RAPGEF4: variants seen among roughly 807,000 people sequenced by gnomAD.
RAPGEF4 encodes the protein RAP guanine-nucleotide-exchange factor (GEF) 4.
In RAPGEF4, 66 loss-of-function variants were observed where a neutral mutation model predicts 147.9. The ratio of observed to expected loss-of-function variants is 0.45; its 90% CI spans 0.37 to 0.55. The LOEUF is 0.55. Among genes scored for constraint, RAPGEF4 ranks in the 20% least tolerant of loss-of-function variants. The probability of loss-of-function intolerance (pLI) is 0.00; values close to 1 mark genes in which losing one functional copy is unlikely to be tolerated. For synonymous variants in RAPGEF4, 419 were observed against 442.7 expected, an observed-to-expected ratio of 0.95 and a Z score of 0.67; for missense variants, 1,071 against 1,257.3, an observed-to-expected ratio of 0.85 and a Z score of 2.24.
At chr2:172,960,700 T>C (rs532040535) in intron 6 of RAPGEF4, 60 bp from the exon 7 acceptor site, 8 of 1,267,058 alleles carry the variant, frequency 6.3e-6, no homozygotes, top group East Asian at 2.4e-5. Flanking sequence ...CCCCAACCCA[T>C]AATTTTCTTC....
chr2:172,989,406 T>G (rs1333338217), intron 14 of RAPGEF4, among the ~76,000 whole-genome samples: 1 of 152,056 alleles, frequency 6.6e-6, no homozygotes, highest in African/African-American at 2.4e-5. Context: ...TTATCTCAAA[T>G]TGTTACAAAC....
intron 4 of RAPGEF4, among the ~76,000 whole-genome samples, chr2:172,817,203 A>T (rs1688596032): frequency 6.6e-6 from 1 of 152,242 alleles, no homozygotes; most frequent in Non-Finnish European, 1.5e-5. Flanking sequence ...ACAAATATAT[A>T]TGCTTCTGCT....
chr2:172,787,762 G>A (rs1328043035), intron 1 of RAPGEF4, among the ~76,000 whole-genome samples: 1 of 152,012 alleles, frequency 6.6e-6, no homozygotes, highest in East Asian at 1.9e-4. Context: ...TGAGAACACA[G>A]GCATGCACCA....
chr2:172,893,410 G>A (rs1161467052), intron 4 of RAPGEF4, among the ~76,000 whole-genome samples: 1 of 152,196 alleles, frequency 6.6e-6, no homozygotes, highest in East Asian at 1.9e-4. Flanking sequence ...GAGACAAGGA[G>A]CATTGCTGAA....
chr2:172,798,224 T>C (rs1686586259), intron 3 of RAPGEF4, among the ~76,000 whole-genome samples: 1 of 152,118 alleles, frequency 6.6e-6, no homozygotes, highest in African/African-American at 2.4e-5. Flanking sequence ...AACTCATTCT[T>C]TTTCTGTTCA....
intron 3 of RAPGEF4, among the ~76,000 whole-genome samples, chr2:172,809,529 G>T (rs1354060289): frequency 2.0e-5 from 3 of 152,142 alleles, no homozygotes; most frequent in Middle Eastern, 3.4e-3. Context: ...CAGAAATGCC[G>T]ATTTTATTTT....
intron 6 of RAPGEF4, among the ~76,000 whole-genome samples, chr2:172,955,489 C>T (rs1348518438): frequency 2.6e-5 from 4 of 152,200 alleles, no homozygotes; most frequent in African/African-American, 9.6e-5. Context: ...CTGAATGCCT[C>T]TGCCTTTATC....
chr2:172,936,926 G>A (rs1029341897), intron 6 of RAPGEF4, among the ~76,000 whole-genome samples: 8 of 148,100 alleles, frequency 5.4e-5, no homozygotes, highest in African/African-American at 1.7e-4. Flanking sequence ...AAGGCTGGAT[G>A]TGGTAGCTCA....
chr2:172,910,199 G>T (rs930798931), intron 4 of RAPGEF4, among the ~76,000 whole-genome samples: 1 of 152,210 alleles, frequency 6.6e-6, no homozygotes, highest in African/African-American at 2.4e-5. Context: ...TAGACATGGT[G>T]CCATCTGGTT....
At chr2:173,003,179 C>T (rs1694108446) in intron 17 of RAPGEF4, among the ~76,000 whole-genome samples, 2 of 152,046 alleles carry the variant, frequency 1.3e-5, no homozygotes, top group African/African-American at 4.8e-5. Context: ...GCTTGTTCCC[C>T]TTCAAGGGTT....
intron 1 of RAPGEF4, among the ~76,000 whole-genome samples, chr2:172,762,867 C>G (rs1253657238): frequency 6.6e-6 from 1 of 152,148 alleles, no homozygotes; most frequent in Non-Finnish European, 1.5e-5. Context: ...TGTGGACTTG[C>G]AAGGCCTCTG....
intron 8 of RAPGEF4, chr2:172,965,001 T>C (rs1689679951): frequency 6.5e-6 from 1 of 153,396 alleles, no homozygotes; most frequent in Admixed American, 6.4e-5. Context: ...ACAGAACTTT[T>C]TCAAAGAGAT....
chr2:172,851,198 T>G (rs1008335176), intron 4 of RAPGEF4, among the ~76,000 whole-genome samples: 20 of 152,356 alleles, frequency 1.3e-4, no homozygotes, highest in African/African-American at 3.6e-4. Flanking sequence ...TTTCATTGTT[T>G]ACTCAAAACT....
At chr2:172,798,260 G>A (rs749077846) in intron 3 of RAPGEF4, among the ~76,000 whole-genome samples, 16 of 151,408 alleles carry the variant, frequency 1.1e-4, no homozygotes, top group East Asian at 3.9e-4. Context: ...TTAAAAAAAC[G>A]AAAACAAAAT....
At chr2:172,908,723 C>G (rs1454663360) in intron 4 of RAPGEF4, among the ~76,000 whole-genome samples, 1 of 152,120 alleles carries the variant, frequency 6.6e-6, no homozygotes. Context: ...CTCTAGTGAT[C>G]ATTGGGGCTG....
At chr2:172,933,881 G>A (rs1686242835) in intron 6 of RAPGEF4, among the ~76,000 whole-genome samples, 1 of 152,136 alleles carries the variant, frequency 6.6e-6, no homozygotes, top group Non-Finnish European at 1.5e-5. Flanking sequence ...AATAGGTAGA[G>A]GGATGTTATT....
intron 1 of RAPGEF4, among the ~76,000 whole-genome samples, chr2:172,743,117 T>C (rs1031139367): frequency 1.3e-5 from 2 of 152,132 alleles, no homozygotes; most frequent in Non-Finnish European, 1.5e-5. Context: ...CAGAATAAAA[T>C]CACGTTTGTG....
chr2:172,802,424 C>T lies in RAPGEF4; in HGVS notation c.297+4811C>T, dbSNP rs554737265. Reference sequence around the variant, plus strand: ...CAAAGAGAGCTTGTGCAGGGAAAATCCCATCTTTAAAACGGTCAGATCTTG... The same window carrying T: ...CAAAGAGAGCTTGTGCAGGGAAAATTCCATCTTTAAAACGGTCAGATCTTG... On this transcript the variant is annotated intron_variant, in intron 3 of 30. Coordinates refer to ENST00000397081, the MANE Select transcript of RAPGEF4 (RefSeq NM_007023.4). Among the ~76,000 whole-genome samples, 5 of 152,248 alleles carry T rather than the reference C, an allele frequency of 3.3e-5. No individual in the cohort carries two copies. The East Asian group carries it at 5.8e-4, about 18-fold the overall frequency.
chr2:173,018,611 A>G, intron 21 of RAPGEF4, 45 bp from the exon 22 acceptor site: 1 of 1,547,570 alleles, frequency 6.5e-7, no homozygotes, highest in Non-Finnish European at 8.7e-7. Flanking sequence ...GTTTTATTGA[A>G]AACTCTTAAG....
Sources: gnomAD v4.1 joint callset for allele counts (sites outside exome capture counted in the v4.1 genomes callset) on GRCh38, gnomAD v4.1.1 for gene constraint, MANE v1.5 for transcripts, NCBI Gene and HGNC (gene_info 2026-07-23, HGNC 2026-07-21) for gene names.